RRAS: variants seen among roughly 807,000 people sequenced by gnomAD.
RRAS encodes ras-related protein R-Ras.
Under a neutral mutation model 23.3 loss-of-function variants are expected in RRAS, and 18 were observed. That is an observed-to-expected ratio of 0.77 (90% CI 0.53 to 1.15). RRAS has a LOEUF of 1.15. Among genes scored for constraint, RRAS ranks in the 50% most tolerant of loss-of-function variants. The pLI is 0.00. For synonymous variants in RRAS, 133 were observed against 138.3 expected (o/e 0.96, Z 0.27); for missense variants, 291 against 317.1 (o/e 0.92, Z 0.62).
In RRAS at chr19:49,639,977, C is replaced by T; in HGVS notation, c.122G>A (p.Gly41Asp). 1 of 1,589,674 alleles carries T rather than the reference C, an allele frequency of 6.3e-7. No individual in the cohort carries two copies. Among genetic ancestry groups the T allele is most frequent in the Non-Finnish European group, 8.5e-7 (1 of 1,174,124 alleles). ...GAACTGGATGGTCAGCGCGCTCTTG[C>T]CCACGCCGCCGCCGCCCACGACCAC... ...KLVVVGGGGV[G>D]KSALTIQFIQ... The change falls in exon 1 of 6, where the codon GGC (glycine) becomes GAC (aspartate). Residue 41 changes from glycine to aspartate, a missense_variant. Transcript: ENST00000246792.
chr19:49,637,222 C>T, intron 1 of RRAS, 92 bp from the exon 2 acceptor site: 1 of 913,338 alleles, frequency 1.1e-6, no homozygotes, highest in Non-Finnish European at 1.7e-6. Context: ...CTCTGTCCCT[C>T]TCTCTCTAAA....
intron 1 of RRAS, among the ~76,000 whole-genome samples, chr19:49,639,145 T>C (rs1438371545): frequency 6.6e-6 from 1 of 151,814 alleles, no homozygotes; most frequent in Admixed American, 6.6e-5. Flanking sequence ...GAATCAAACG[T>C]GGGGCCGGGC....
Position 49,640,025 on chromosome 19 carries a change from G to A in RRAS, c.74C>T (p.Pro25Leu), listed in dbSNP as rs558985706. The change falls in exon 1 of 6, where the codon CCG becomes CTG. Residue 25 changes from proline to leucine, a missense_variant. By Grantham distance (98) the Pro-to-Leu change is moderately conservative (BLOSUM62 -3). Transcript: ENST00000246792. ...CACCAGCTTGTGTGTCTCGCTGGGC[G>A]GGGGGTCCCCGGGCCCAGGTCCCCC... ...RGGGPGPGDPPPSETHKLVVV... is the reference protein window; with the variant it reads ...RGGGPGPGDPLPSETHKLVVV... 33 of 1,554,234 alleles carry A rather than the reference G, an allele frequency of 2.1e-5. 1 individual carries two copies. The East Asian group carries it at 2.5e-4, about 12-fold the overall frequency.
chr19:49,636,964 G>C lies in RRAS; in HGVS notation c.242-38C>G. 6.2e-7 allele frequency: 1 copy of C among 1,606,964 alleles called. No individual in the cohort carries two copies. The highest frequency in any genetic ancestry group is 8.5e-7 in the Non-Finnish European group (1 of 1,174,562). On this transcript the variant is annotated intron_variant, in intron 2 of 5. Transcript: ENST00000246792. This position sits in a 1 kb window ranked among gnomAD's most constrained non-coding sequence, Gnocchi z 4.5. ...GGAGAGGGGCCATCGTGGGGACCAG[G>C]CTCCCCGCAGTCACCCCCAAGAGCC... is the stretch of plus-strand genomic sequence containing the variant.
chr19:49,635,690 G>A, intron 5 of RRAS, 30 bp from the exon 6 acceptor site: 1 of 1,510,038 alleles, frequency 6.6e-7, no homozygotes, highest in Non-Finnish European at 9.0e-7. Context: ...AGTTTGGAGT[G>A]GAAGGGCTGG....
chr19:49,636,818 T>G lies in RRAS; in HGVS notation c.344+6A>C, dbSNP rs764651598. On this transcript the variant is annotated splice_donor_region_variant and intron_variant, in intron 3 of 5. Transcript: ENST00000246792. The surrounding 1 kb of genome is among the most constrained non-coding windows in gnomAD (Gnocchi z 4.5). ...CCACTGCTCCGCCACCAGCAACCCC[T>G]GTCACCTCTGCCGGTCGTTAATGGC... The G allele has an allele frequency of 6.2e-7, 1 of 1,612,318 alleles. No individual in the cohort carries two copies. The highest frequency in any genetic ancestry group is 2.2e-5 in the East Asian group (1 of 44,876).
Position 49,635,854 on chromosome 19 carries a change from T to A in RRAS, c.454-2A>T. The A allele has an allele frequency of 3.0e-6, 1 of 331,908 alleles. No individual in the cohort carries two copies. The highest frequency in any genetic ancestry group is 4.9e-6 in the Non-Finnish European group (1 of 204,648). 20.6% of individuals were successfully genotyped at this position (331,908 alleles called of 1,614,324 possible). ...GGCAGAGGCTTCTGATCGGGGGACCTGGGGGTAGGGGGGACACGGGGGAGT... is the reference window on the plus strand; with the variant it reads ...GGCAGAGGCTTCTGATCGGGGGACCAGGGGGTAGGGGGGACACGGGGGAGT... On this transcript the variant is annotated splice_acceptor_variant, in intron 4 of 5. Transcript: ENST00000246792. LOFTEE classifies it high-confidence loss of function.
rs757885697 is a variant in RRAS, at chr19:49,640,014, T to A, written c.85A>T (p.Thr29Ser). ...CCGCCCACGACCACCAGCTTGTGTG[T>A]CTCGCTGGGCGGGGGGTCCCCGGGC... ...PGPGDPPPSETHKLVVVGGGG... is the reference protein window; with the variant it reads ...PGPGDPPPSESHKLVVVGGGG... The change falls in exon 1 of 6, where the codon ACA (threonine) becomes TCA (serine). Residue 29 changes from threonine (T) to serine (S), a missense_variant. Transcript: ENST00000246792. 1 of 1,570,838 alleles carries A rather than the reference T, an allele frequency of 6.4e-7. No individual in the cohort carries two copies.
chr19:49,635,683 T>G, intron 5 of RRAS, 23 bp from the exon 6 acceptor site: 5 of 1,496,118 alleles, frequency 3.3e-6, no homozygotes, highest in Non-Finnish European at 4.5e-6. Flanking sequence ...GCCAGTGAGT[T>G]TGGAGTGGAA....
intron 1 of RRAS, among the ~76,000 whole-genome samples, chr19:49,638,740 A>AT (rs981808598): frequency 7.9e-5 from 12 of 152,224 alleles, no homozygotes; most frequent in South Asian, 6.2e-4. Flanking sequence ...TCTTAGAAAC[A>AT]TTGAGTTCAT....
chr19:49,638,558 G>C (rs2081007403), intron 1 of RRAS, among the ~76,000 whole-genome samples: 1 of 152,094 alleles, frequency 6.6e-6, no homozygotes, highest in Non-Finnish European at 1.5e-5. Flanking sequence ...GGGGTGCTTG[G>C]TGAGGGGCTT....
Position 49,640,047 on chromosome 19 carries a change from C to A in RRAS, c.52G>T (p.Gly18Ter). 6.6e-7 allele frequency: 1 copy of A among 1,509,422 alleles called. No individual in the cohort carries two copies. Among genetic ancestry groups the A allele is most frequent in the Non-Finnish European group, 8.8e-7 (1 of 1,136,968 alleles). 93.5% of individuals were successfully genotyped at this position (1,509,422 alleles called of 1,614,324 possible). Residue 18 changes from glycine (G) to a stop codon, truncating the protein, a stop_gained, in exon 1 of 6, where the codon GGA becomes TGA. Transcript: ENST00000246792. LOFTEE classifies it high-confidence loss of function. ...GGCGGGGGGTCCCCGGGCCCAGGTC[C>A]CCCGCCCCGGGGCCGCCCCCGCCCT... Reference protein sequence around the residue: ...GTGRGRPRGGGPGPGDPPPSE... With the variant: ...GTGRGRPRGG
In RRAS at chr19:49,639,988, G is replaced by A. The variant is rs761263165; in HGVS notation, c.111C>T (p.Gly37=). Residue 37 remains glycine, a synonymous_variant, in exon 1 of 6, where the codon GGC becomes GGT. Coordinates refer to ENST00000246792, the MANE Select transcript of RRAS (RefSeq NM_006270.5). ...SETHKLVVVG[G]GGVGKSALTI... is the part of the protein sequence containing the mutation. ...TCAGCGCGCTCTTGCCCACGCCGCC[G>A]CCGCCCACGACCACCAGCTTGTGTG... 7 of 1,587,078 alleles carry A rather than the reference G, an allele frequency of 4.4e-6. No individual in the cohort carries two copies. The highest frequency in any genetic ancestry group is 1.7e-5 in the Admixed American group (1 of 58,680).
intron 1 of RRAS, among the ~76,000 whole-genome samples, chr19:49,638,837 G>A (rs1168618659): frequency 4.6e-5 from 7 of 151,808 alleles, no homozygotes; most frequent in African/African-American, 1.5e-4. Flanking sequence ...TGATTTGAGA[G>A]CTATTCAGGG....
In RRAS at chr19:49,635,737, A is replaced by T. The variant is rs370795637; in HGVS notation, c.569T>A (p.Val190Asp). The T allele has an allele frequency of 6.4e-7, 1 of 1,570,796 alleles. No homozygotes were observed. The highest frequency in any genetic ancestry group is 8.7e-7 in the Non-Finnish European group (1 of 1,147,656). ...ACAGGAAGGGGACTTGGCTCACCGGACAGCCCGCACCAGCTGCTCAAAAGC... is the reference window on the plus strand; with the variant it reads ...ACAGGAAGGGGACTTGGCTCACCGGTCAGCCCGCACCAGCTGCTCAAAAGC... The part of the protein sequence containing the change: ...DEAFEQLVRA[V>D]RKYQEQELPP... The change falls in exon 5 of 6, where the codon GTC (valine) becomes GAC (aspartate). Residue 190 changes from valine to aspartate, a missense_variant. Physicochemically the swap from Val to Asp is radical, Grantham distance 152. Transcript: ENST00000246792.
At chr19:49,637,202 C>T (rs1568437468) in intron 1 of RRAS, 72 bp from the exon 2 acceptor site, 3 of 1,055,472 alleles carry the variant, frequency 2.8e-6, no homozygotes, top group Non-Finnish European at 2.8e-6. Context: ...CTTGGGATGC[C>T]TCTCTCAGTC....
At position 49,636,244 on chromosome 19, in the gene RRAS, G is replaced by A. The variant is rs1209094265; in HGVS notation, c.453+375C>T. On this transcript the variant is annotated intron_variant, in intron 4 of 5. Coordinates refer to ENST00000246792, the MANE Select transcript of RRAS (RefSeq NM_006270.5). The surrounding 1 kb of genome is among the most constrained non-coding windows in gnomAD (Gnocchi z 4.5). ...GGAAAGGAGGGGCGCAACTGTGCGG[G>A]GCATCTGGCACCTGGGGAGGAACTG... is the stretch of plus-strand genomic sequence containing the variant. 1.3e-5 allele frequency among the ~76,000 whole-genome samples: 2 copies of A among 152,066 alleles called. No individual in the cohort carries two copies. The highest frequency in any genetic ancestry group is 4.8e-5 in the African/African-American group (2 of 41,384).
Position 49,636,996 on chromosome 19 carries a change from C to T in RRAS, c.241+47G>A. 6 of 1,606,966 alleles carry T rather than the reference C, an allele frequency of 3.7e-6. No individual in the cohort carries two copies. The highest frequency in any genetic ancestry group is 5.1e-6 in the Non-Finnish European group (6 of 1,174,374). ...GCAGTCACCCCCAAGAGCCCTCAGC[C>T]CCCACTGACACCACCCCCATCCATC... On this transcript the variant is annotated intron_variant, in intron 2 of 5. Transcript: ENST00000246792. This position sits in a 1 kb window ranked among gnomAD's most constrained non-coding sequence, Gnocchi z 4.5.
In RRAS at chr19:49,636,994, GC is replaced by G; in HGVS notation, c.241+48del. On this transcript the variant is annotated intron_variant, in intron 2 of 5. Transcript: ENST00000246792. This position sits in a 1 kb window ranked among gnomAD's most constrained non-coding sequence, Gnocchi z 4.5. ...CCGCAGTCACCCCCAAGAGCCCTCA[GC>G]CCCCACTGACACCACCCCCATCCAT... The G allele has an allele frequency of 6.2e-7, 1 of 1,605,170 alleles. No individual in the cohort carries two copies. Among genetic ancestry groups the G allele is most frequent in the Non-Finnish European group, 8.5e-7 (1 of 1,172,964 alleles).
Sources: gnomAD v4.1 joint callset for allele counts (sites outside exome capture counted in the v4.1 genomes callset) on GRCh38, gnomAD v4.1.1 for gene constraint, Gnocchi (gnomAD v3.1) non-coding constraint, MANE v1.5 for transcripts, NCBI Gene and HGNC (gene_info 2026-07-23, HGNC 2026-07-21) for gene names.